Variants in ST3GAL3 observed in about 807,000 individuals in gnomAD.
ST3GAL3 encodes the protein CMP-N-acetylneuraminate-beta-1,4-galactoside alpha-2,3-sialyltransferase.
A neutral mutation model predicts 50.1 loss-of-function variants in ST3GAL3; 21 were observed. The ratio of observed to expected loss-of-function variants is 0.42; its 90% confidence interval spans 0.30 to 0.60. ST3GAL3 has a LOEUF of 0.60. ST3GAL3 is among the 20% of genes least tolerant of loss of function. ST3GAL3 has a pLI of 0.19. For missense variants in ST3GAL3, 353 were observed against 489.4 expected, an observed-to-expected ratio of 0.72 and a Z score of 2.63; for synonymous variants, 183 against 190.0, an observed-to-expected ratio of 0.96 and a Z score of 0.30.
chr1:43,893,985 G>A (rs547154685), intron 5 of ST3GAL3, among the ~76,000 whole-genome samples: 2 of 152,204 alleles, frequency 1.3e-5, no homozygotes, highest in South Asian at 4.1e-4. Flanking sequence ...TGTATTTTTG[G>A]ATATATTTCT....
intron 2 of ST3GAL3, among the ~76,000 whole-genome samples, chr1:43,751,811 G>A (rs1460011694): frequency 6.6e-6 from 1 of 151,982 alleles, no homozygotes; most frequent in African/African-American, 2.4e-5. Context: ...GTTGTAATTG[G>A]TTACATTTTT....
chr1:43,763,841 C>T (rs1272593851), intron 2 of ST3GAL3, among the ~76,000 whole-genome samples: 3 of 152,178 alleles, frequency 2.0e-5, no homozygotes, highest in African/African-American at 7.2e-5. Flanking sequence ...GGCTCCCCTG[C>T]AAATTACTTA....
rs10537120 is a variant in ST3GAL3, at chr1:43,813,903, G to A, written c.167-988G>A. ...CACACACACACACACACGCACACACGCACACACACACACACACACACACAC... is the reference window on the plus strand; with the variant it reads ...CACACACACACACACACGCACACACACACACACACACACACACACACACAC... On this transcript the variant is annotated intron_variant, in intron 3 of 11. Transcript: ENST00000347631. Among the ~76,000 whole-genome samples the A allele has an allele frequency of 3.0e-3, 378 of 125,836 alleles. 4 individuals carry two copies. Among genetic ancestry groups the A allele is most frequent in the South Asian group, 0.016 (58 of 3,734 alleles). 82.6% of individuals were successfully genotyped at this position (125,836 alleles called of 152,430 possible).
At chr1:43,849,531 TAA>T (rs1412317830) in intron 5 of ST3GAL3, among the ~76,000 whole-genome samples, 1 of 152,244 alleles carries the variant, frequency 6.6e-6, no homozygotes, top group East Asian at 1.9e-4. Flanking sequence ...TTGTGCTTAT[TAA>T]AAATGGTCGT....
At chr1:43,826,740 A>G (rs2062853967) in intron 4 of ST3GAL3, among the ~76,000 whole-genome samples, 1 of 152,218 alleles carries the variant, frequency 6.6e-6, no homozygotes, top group Non-Finnish European at 1.5e-5. Context: ...AAAGAATTAC[A>G]TGTTGCTGCC....
chr1:43,772,030 CTT>C (rs11320873), intron 2 of ST3GAL3: 61,486 of 359,898 alleles, frequency 0.17, 25 homozygotes, highest in Non-Finnish European at 0.2. Context: ...CAGAGGTGGT[CTT>C]TTTTTTTTTT....
At chr1:43,870,544 A>G (rs939445661) in intron 5 of ST3GAL3, among the ~76,000 whole-genome samples, 2 of 151,914 alleles carry the variant, frequency 1.3e-5, no homozygotes, top group Non-Finnish European at 2.9e-5. Context: ...CATGTTGTAC[A>G]TAAAAGGCCT....
chr1:43,790,660 T>G (rs778563067), intron 2 of ST3GAL3, among the ~76,000 whole-genome samples: 104 of 147,114 alleles, frequency 7.1e-4, no homozygotes, highest in East Asian at 6.8e-3. Context: ...TGACATGGAG[T>G]CTTGCTCTGT....
At chr1:43,745,700 C>T (rs1683336393) in intron 2 of ST3GAL3, among the ~76,000 whole-genome samples, 1 of 152,238 alleles carries the variant, frequency 6.6e-6, no homozygotes, top group Non-Finnish European at 1.5e-5. Context: ...ATGATCTTGG[C>T]TTACTGCAGC....
At chr1:43,866,718 A>T (rs146352966) in intron 5 of ST3GAL3, among the ~76,000 whole-genome samples, 3 of 152,290 alleles carry the variant, frequency 2.0e-5, no homozygotes, top group African/African-American at 7.2e-5. Flanking sequence ...GTGGTTTGGT[A>T]TGTTTGGCAC....
intron 9 of ST3GAL3, chr1:43,919,422 C>G (rs954357015): frequency 6.6e-6 from 1 of 152,206 alleles, no homozygotes. Context: ...CGGTTGGAGC[C>G]CGTGGTTTGG....
Position 43,894,222 on chromosome 1 carries a change from C to G in ST3GAL3, c.303-161C>G, listed in dbSNP as rs79313063. The G allele has an allele frequency of 1.2e-3, 860 of 725,808 alleles. 19 individuals are homozygous for G. The East Asian group carries it at 0.022, about 19-fold the overall frequency. 45.0% of individuals were successfully genotyped at this position (725,808 alleles called of 1,614,324 possible). ...CTCCACTGAACAAGATCTGTCAAACCCCTCGACAGCTACCCAGTGAACAGG... is the reference window on the plus strand; with the variant it reads ...CTCCACTGAACAAGATCTGTCAAACGCCTCGACAGCTACCCAGTGAACAGG... On this transcript the variant is annotated intron_variant, in intron 5 of 11. Coordinates refer to ENST00000347631, the MANE Select transcript of ST3GAL3 (RefSeq NM_006279.5).
chr1:43,734,024 C>T (rs756292497), intron 1 of ST3GAL3, among the ~76,000 whole-genome samples: 15 of 151,930 alleles, frequency 9.9e-5, no homozygotes, highest in Non-Finnish European at 1.3e-4. Context: ...GCAGGAGAAT[C>T]GCTTGAACCC....
chr1:43,870,291 C>A (rs1558656862), intron 5 of ST3GAL3, among the ~76,000 whole-genome samples: 1 of 152,182 alleles, frequency 6.6e-6, no homozygotes, highest in African/African-American at 2.4e-5. Flanking sequence ...TTATTGAAAC[C>A]CTGCCAATAT....
At chr1:43,914,934 G>A (rs960380666) in intron 9 of ST3GAL3, among the ~76,000 whole-genome samples, 6 of 151,666 alleles carry the variant, frequency 4.0e-5, no homozygotes, top group Admixed American at 2.6e-4. Context: ...TTCTCCACCC[G>A]TCCGTTTCCT....
chr1:43,821,949 A>G (rs2062158032), intron 4 of ST3GAL3, among the ~76,000 whole-genome samples: 2 of 152,256 alleles, frequency 1.3e-5, no homozygotes, highest in Middle Eastern at 3.2e-3. Context: ...GAACAAGACA[A>G]TCAATAAACA....
At chr1:43,769,246 CAG>C (rs1694198733) in intron 2 of ST3GAL3, among the ~76,000 whole-genome samples, 1 of 152,148 alleles carries the variant, frequency 6.6e-6, no homozygotes, top group Non-Finnish European at 1.5e-5. Flanking sequence ...CTAGGACTAG[CAG>C]AGAGCTTTCA....
At position 43,865,978 on chromosome 1, in the gene ST3GAL3, A is replaced by G. The variant is rs547805756; in HGVS notation, c.302+27667A>G. ...TAAGATACGTGGTCTGTGGACCTGA[A>G]GTATTCATGGCCCCTCAAGGCCACA... On this transcript the variant is annotated intron_variant, in intron 5 of 11. Transcript: ENST00000347631. 2.6e-5 allele frequency among the ~76,000 whole-genome samples: 4 copies of G among 152,302 alleles called. No individual in the cohort carries two copies. In the East Asian group the frequency reaches 7.7e-4, roughly 29 times the overall value.
At chr1:43,798,757 T>A (rs955160987) in intron 3 of ST3GAL3, among the ~76,000 whole-genome samples, 4 of 152,190 alleles carry the variant, frequency 2.6e-5, no homozygotes. Context: ...ACACTGTCAA[T>A]CTCCCCTACT....
Sources: gnomAD v4.1 joint callset for allele counts (sites outside exome capture counted in the v4.1 genomes callset) on GRCh38, gnomAD v4.1.1 for gene constraint, MANE v1.5 for transcripts, NCBI Gene and HGNC (gene_info 2026-07-23, HGNC 2026-07-21) for gene names.